Variants in FBP2 observed in about 807,000 individuals in gnomAD.
FBP2 encodes fructose-bisphosphatase 2.
In FBP2, 27 loss-of-function variants were observed where a neutral mutation model predicts 31.6. The ratio of observed to expected loss-of-function variants is 0.85; its 90% CI spans 0.63 to 1.18. The LOEUF (loss-of-function observed/expected upper bound fraction) is 1.18, where lower values mean the gene tolerates loss of function less well. FBP2 is among the 50% of genes most tolerant of loss of function. FBP2 has a pLI of 0.00. For synonymous variants in FBP2, 168 were observed against 179.8 expected (o/e 0.93, Z 0.53); for missense variants, 421 against 436.1 (o/e 0.97, Z 0.31).
At chr9:94,577,062 C>A (rs1191503892) in intron 3 of FBP2, among the ~76,000 whole-genome samples, 1 of 152,148 alleles carries the variant, frequency 6.6e-6, no homozygotes, top group Non-Finnish European at 1.5e-5. Context: ...AACATTTCAC[C>A]TTGACTGGTG....
intron 3 of FBP2, among the ~76,000 whole-genome samples, chr9:94,572,026 C>G (rs964052950): frequency 1.3e-5 from 2 of 152,202 alleles, no homozygotes; most frequent in African/African-American, 2.4e-5. Context: ...AGGGAGAACT[C>G]TGAGAGCAAA....
At chr9:94,571,666 G>A in intron 3 of FBP2, 64 bp from the exon 4 acceptor site, 1 of 1,457,558 alleles carries the variant, frequency 6.9e-7, no homozygotes, top group Non-Finnish European at 9.3e-7. Context: ...CTTTGCCAGG[G>A]GCCTGGGCTT....
chr9:94,571,545 C>T lies in FBP2; in HGVS notation c.484G>A (p.Ala162Thr), dbSNP rs1827269573. Reference protein sequence around the residue: ...DALQCGRNIVAAGYALYGSAT... With the variant: ...DALQCGRNIVTAGYALYGSAT... Reference sequence around the variant, plus strand: ...CTACCGTACAGCGCATAACCTGCGGCCACAATATTGCGGCCACACTGCAGG... The same window carrying T: ...CTACCGTACAGCGCATAACCTGCGGTCACAATATTGCGGCCACACTGCAGG... Residue 162 changes from alanine to threonine, a missense_variant, in exon 4 of 7, where the codon GCC (alanine) becomes ACC (threonine). Physicochemically the swap from Ala to Thr is moderately conservative, Grantham distance 58. Coordinates refer to ENST00000375337, the MANE Select transcript of FBP2 (RefSeq NM_003837.4). 1 of 1,613,934 alleles carries T rather than the reference C, an allele frequency of 6.2e-7. No homozygotes were observed. The highest frequency in any genetic ancestry group is 8.5e-7 in the Non-Finnish European group (1 of 1,179,880).
chr9:94,590,726 A>G (rs1241949463), intron 1 of FBP2, among the ~76,000 whole-genome samples: 4 of 152,176 alleles, frequency 2.6e-5, no homozygotes, highest in African/African-American at 9.7e-5. Context: ...AAGAGACCCA[A>G]ACGGGTTGCC....
intron 3 of FBP2, among the ~76,000 whole-genome samples, chr9:94,580,657 A>G (rs1827365205): frequency 6.6e-6 from 1 of 152,230 alleles, no homozygotes; most frequent in Non-Finnish European, 1.5e-5. Context: ...TCCTAAATTA[A>G]GTTTCTGACT....
At chr9:94,568,017 A>C (rs1827217658) in intron 4 of FBP2, 1 of 151,762 alleles carries the variant, frequency 6.6e-6, no homozygotes, top group African/African-American at 2.4e-5. Context: ...AGTCCCAGCT[A>C]CTCGGGGGGC....
intron 3 of FBP2, among the ~76,000 whole-genome samples, chr9:94,582,558 T>TC (rs913967146): frequency 2.0e-5 from 3 of 150,674 alleles, no homozygotes; most frequent in Non-Finnish European, 4.4e-5. Flanking sequence ...TTTTTTTTTT[T>TC]TTTTTTTGAG....
intron 3 of FBP2, among the ~76,000 whole-genome samples, chr9:94,574,159 A>ATACACAATT (rs1431025548): frequency 6.6e-6 from 1 of 152,230 alleles, no homozygotes; most frequent in Non-Finnish European, 1.5e-5. Flanking sequence ...TACTGCATAA[A>ATACACAATT]TACACAATTC....
chr9:94,576,463 G>A (rs1046406921), intron 3 of FBP2, among the ~76,000 whole-genome samples: 1 of 152,208 alleles, frequency 6.6e-6, no homozygotes, highest in Non-Finnish European at 1.5e-5. Context: ...TGCTCTGGGG[G>A]CCCAAGCCCA....
intron 2 of FBP2, 104 bp from the exon 3 acceptor site, chr9:94,584,773 ATT>A (rs1827409776): frequency 1.4e-6 from 1 of 713,120 alleles, no homozygotes; most frequent in African/African-American, 1.8e-5. Context: ...TCAAAAAGAG[ATT>A]GAGAACCACA....
At chr9:94,577,358 G>A (rs927610117) in intron 3 of FBP2, 1 of 152,150 alleles carries the variant, frequency 6.6e-6, no homozygotes, top group Non-Finnish European at 1.5e-5. Flanking sequence ...CTCTGATTTT[G>A]TCATCTTCTC....
intron 6 of FBP2, among the ~76,000 whole-genome samples, chr9:94,559,711 A>G (rs1334847267): frequency 1.3e-5 from 2 of 151,950 alleles, no homozygotes; most frequent in African/African-American, 4.8e-5. Context: ...CATCGTTTGC[A>G]CTCCCATAGC....
chr9:94,578,528 G>A (rs1200668093), intron 3 of FBP2, among the ~76,000 whole-genome samples: 1 of 151,914 alleles, frequency 6.6e-6, no homozygotes, highest in Non-Finnish European at 1.5e-5. Context: ...CTTATTGGAT[G>A]TCTGGTTTAC....
rs1165982419 is a variant in FBP2, at chr9:94,593,783, A to G, written c.-57T>C. 6 of 1,588,744 alleles carry G rather than the reference A, an allele frequency of 3.8e-6. No individual in the cohort carries two copies. Among genetic ancestry groups the G allele is most frequent in the Admixed American group, 1.7e-5 (1 of 58,958 alleles). The stretch of plus-strand genomic sequence containing the variant: ...CGGCAGGAAACCTTGCTTACTTCTG[A>G]GGGCTGCAGCTCCGCAGTGTGGAAG... On this transcript the variant is annotated 5_prime_UTR_variant, in exon 1 of 7. Coordinates refer to ENST00000375337, the MANE Select transcript of FBP2 (RefSeq NM_003837.4).
chr9:94,591,067 C>T (rs1292014196), intron 1 of FBP2, among the ~76,000 whole-genome samples: 3 of 152,382 alleles, frequency 2.0e-5, no homozygotes, highest in African/African-American at 7.2e-5. Context: ...GACTCAGGAG[C>T]CCAGCTGGCT....
At chr9:94,565,727 GTAGATAGATGA>G (rs1488477180) in intron 5 of FBP2, among the ~76,000 whole-genome samples, 6 of 107,376 alleles carry the variant, frequency 5.6e-5, no homozygotes, top group African/African-American at 2.1e-4. Flanking sequence ...AAAGATATAG[GTAGATAGATGA>G]TAGATAGATA....
intron 5 of FBP2, among the ~76,000 whole-genome samples, chr9:94,564,969 G>A (rs1056064570): frequency 6.6e-6 from 1 of 152,120 alleles, no homozygotes; most frequent in African/African-American, 2.4e-5. Context: ...AATAATAAAT[G>A]TCTGAGATGA....
intron 3 of FBP2, among the ~76,000 whole-genome samples, chr9:94,576,442 C>T (rs1297557962): frequency 6.6e-6 from 1 of 152,180 alleles, no homozygotes; most frequent in Non-Finnish European, 1.5e-5. Flanking sequence ...ATTTTAGTGG[C>T]CCATACAGTG....
At chr9:94,571,756 G>T (rs1827272634) in intron 3 of FBP2, among the ~76,000 whole-genome samples, 154 bp from the exon 4 acceptor site, 1 of 152,210 alleles carries the variant, frequency 6.6e-6, no homozygotes, top group Admixed American at 6.5e-5. Context: ...GAAACGAGTG[G>T]CCATGTTGCC....
Sources: allele counts gnomAD v4.1 joint callset (sites outside exome capture counted in the v4.1 genomes callset), GRCh38; gene constraint gnomAD v4.1.1; transcripts MANE v1.5; gene names NCBI Gene and HGNC (gene_info 2026-07-23, HGNC 2026-07-21).